The following SHB variants were observed in gnomAD, a reference collection of about 807,000 sequenced individuals.
The protein encoded by SHB is SH2 domain-containing adapter protein B.
In SHB, 20 loss-of-function variants were observed where a neutral mutation model predicts 52.3. That is an observed-to-expected ratio of 0.38 (90% CI 0.27 to 0.56). SHB has a LOEUF of 0.56. SHB is among the 20% of genes least tolerant of loss of function. The pLI, the probability that SHB is intolerant of heterozygous loss-of-function variation, is 0.71. For missense variants in SHB, 825 were observed against 723.3 expected (o/e 1.14, Z -1.61); for synonymous variants, 397 against 316.5 (o/e 1.25, Z -2.70).
chr9:38,030,963 A>G (rs201347653), intron 1 of SHB, among the ~76,000 whole-genome samples: 147 of 151,862 alleles, frequency 9.7e-4, no homozygotes, highest in African/African-American at 1.7e-3. Context: ...CAAAAAAAAA[A>G]GGGGGGAAAG....
chr9:37,981,828 G>A (rs912199320), intron 2 of SHB, among the ~76,000 whole-genome samples: 1 of 152,126 alleles, frequency 6.6e-6, no homozygotes, highest in Non-Finnish European at 1.5e-5. Flanking sequence ...TGAAGGAATG[G>A]TCAGTCAGTG....
chr9:37,981,058 G>C (rs1745463517), intron 2 of SHB, among the ~76,000 whole-genome samples: 1 of 152,182 alleles, frequency 6.6e-6, no homozygotes, highest in South Asian at 2.1e-4. Flanking sequence ...TGGCAAATGA[G>C]CACTGGCTTC....
intron 1 of SHB, among the ~76,000 whole-genome samples, chr9:38,056,491 A>T (rs1285001499): frequency 6.6e-6 from 1 of 152,070 alleles, no homozygotes. Context: ...GCCACCACAC[A>T]CAGGTAATTT....
chr9:37,954,664 G>A (rs1587210119), intron 4 of SHB, among the ~76,000 whole-genome samples: 1 of 152,312 alleles, frequency 6.6e-6, no homozygotes, highest in East Asian at 1.9e-4. Context: ...ACCAGCACAA[G>A]TCCTGCACCT....
At chr9:37,946,066 T>C (rs541289399) in intron 5 of SHB, among the ~76,000 whole-genome samples, 187 of 152,194 alleles carry the variant, frequency 1.2e-3, no homozygotes, top group Admixed American at 1.8e-3. Context: ...CAGCACTGTC[T>C]GGGCTGGGAA....
At chr9:38,006,517 A>T (rs986103143) in intron 2 of SHB, among the ~76,000 whole-genome samples, 2 of 152,084 alleles carry the variant, frequency 1.3e-5, no homozygotes, top group Non-Finnish European at 2.9e-5. Flanking sequence ...AGATCTTTTA[A>T]TGTCTCTCTG....
chr9:38,021,264 C>T (rs958650413), intron 1 of SHB, among the ~76,000 whole-genome samples: 6 of 151,584 alleles, frequency 4.0e-5, no homozygotes, highest in Non-Finnish European at 5.9e-5. Flanking sequence ...CACTTGAACC[C>T]GGGAGGTGGA....
At chr9:37,929,049 T>G (rs1587194963) in intron 5 of SHB, among the ~76,000 whole-genome samples, 1 of 151,730 alleles carries the variant, frequency 6.6e-6, no homozygotes, top group South Asian at 2.1e-4. Context: ...GAGAGGGGGG[T>G]GGGCCTTGGG....
intron 2 of SHB, among the ~76,000 whole-genome samples, chr9:37,977,552 C>T (rs1394334364): frequency 2.0e-5 from 3 of 152,122 alleles, no homozygotes; most frequent in Admixed American, 1.3e-4. Context: ...ATGATGCTTC[C>T]TTTTTTTACC....
chr9:37,927,036 C>T (rs1013228454), intron 5 of SHB, among the ~76,000 whole-genome samples: 10 of 152,178 alleles, frequency 6.6e-5, no homozygotes, highest in African/African-American at 2.4e-4. Context: ...ATGCAAGATA[C>T]CCACTGCACA....
intron 5 of SHB, among the ~76,000 whole-genome samples, chr9:37,945,565 G>C (rs188979203): frequency 6.6e-6 from 1 of 152,358 alleles, no homozygotes; most frequent in Non-Finnish European, 1.5e-5. Context: ...GGCCTTTGGA[G>C]GTGGTGATCT....
intron 2 of SHB, among the ~76,000 whole-genome samples, chr9:38,007,759 GACA>G (rs1246463667): frequency 1.3e-5 from 2 of 151,332 alleles, no homozygotes; most frequent in Non-Finnish European, 2.9e-5. Context: ...CAGTGAGACA[GACA>G]ACAAACAAGG....
At chr9:37,935,436 G>C (rs1266096503) in intron 5 of SHB, among the ~76,000 whole-genome samples, 1 of 152,210 alleles carries the variant, frequency 6.6e-6, no homozygotes, top group African/African-American at 2.4e-5. Flanking sequence ...GGCAGACTGG[G>C]AAGTGGTGGG....
At position 38,030,273 on chromosome 9, in the gene SHB, C is replaced by G. The variant is rs550044143; in HGVS notation, c.718-14142G>C. ...GTCCTGGACCATGTACAACTTCCCC[C>G]CTCAGAGATGTTGAGCCCCCAGAGC... On this transcript the variant is annotated intron_variant, in intron 1 of 5. Coordinates refer to ENST00000377707, the MANE Select transcript of SHB (RefSeq NM_003028.3). Among the ~76,000 whole-genome samples the G allele has an allele frequency of 6.6e-5, 10 of 152,310 alleles. No individual in the cohort carries two copies. In the South Asian group the frequency reaches 1.9e-3, roughly 28 times the overall value.
intron 3 of SHB, among the ~76,000 whole-genome samples, chr9:37,960,294 T>G (rs1200965252): frequency 6.6e-6 from 1 of 152,232 alleles, no homozygotes; most frequent in Non-Finnish European, 1.5e-5. Flanking sequence ...TAATCTGCAA[T>G]TTAACATGGC....
In SHB at chr9:38,060,706, T is replaced by C. The variant is rs573325679; in HGVS notation, c.717+7223A>G. On this transcript the variant is annotated intron_variant, in intron 1 of 5. Coordinates refer to ENST00000377707, the MANE Select transcript of SHB (RefSeq NM_003028.3). Reference sequence around the variant, plus strand: ...CCTTAATTCAAGTGATTGTACCTTTTTTACTCAAATACCTCCTCCTCACCC... The same window carrying C: ...CCTTAATTCAAGTGATTGTACCTTTCTTACTCAAATACCTCCTCCTCACCC... Among the ~76,000 whole-genome samples the C allele has an allele frequency of 2.9e-4, 44 of 152,286 alleles. No individual in the cohort carries two copies. The South Asian group carries it at 8.7e-3, about 30-fold the overall frequency.
chr9:38,015,975 C>G lies in SHB; in HGVS notation c.838+36G>C, dbSNP rs774788908. ...CTCACTCCCTTTCTACCCCTACAAC[C>G]CCAGCTGTGAGCCCCTGCGCTTCAG... is the stretch of plus-strand genomic sequence containing the variant. On this transcript the variant is annotated intron_variant, in intron 2 of 5. Transcript: ENST00000377707. The G allele has an allele frequency of 4.3e-6, 7 of 1,609,722 alleles. No homozygotes were observed. In the Admixed American group the frequency reaches 6.7e-5, roughly 15 times the overall value.
chr9:37,921,699 C>T (rs73453398), intron 5 of SHB, among the ~76,000 whole-genome samples: 2,091 of 152,254 alleles, frequency 0.014, 51 homozygotes, highest in African/African-American at 0.047. Context: ...TGCCTAGACA[C>T]GTCTGAGAAG....
At chr9:37,921,786 CAA>C (rs1041949625) in intron 5 of SHB, among the ~76,000 whole-genome samples, 15 of 152,336 alleles carry the variant, frequency 9.8e-5, no homozygotes, top group African/African-American at 3.6e-4. Context: ...TCCATTCCAG[CAA>C]AGACTCACCT....
Sources: allele counts gnomAD v4.1 joint callset (sites outside exome capture counted in the v4.1 genomes callset), GRCh38; gene constraint gnomAD v4.1.1; transcripts MANE v1.5; gene names NCBI Gene and HGNC (gene_info 2026-07-23, HGNC 2026-07-21).